UBE2G1: variants seen among roughly 807,000 people sequenced by gnomAD.
UBE2G1 encodes the protein ubiquitin-conjugating enzyme E2 G1.
A neutral mutation model predicts 22.7 loss-of-function variants in UBE2G1; 5 were observed. That is an observed-to-expected ratio of 0.22 (90% CI 0.12 to 0.46). UBE2G1 has a LOEUF of 0.46. Among genes scored for constraint, UBE2G1 ranks in the 20% least tolerant of loss-of-function variants. The pLI, the probability that UBE2G1 is intolerant of heterozygous loss-of-function variation, is 0.99. For synonymous variants in UBE2G1, 74 were observed against 67.5 expected, an observed-to-expected ratio of 1.10 and a Z score of -0.47; for missense variants, 88 against 203.9, an observed-to-expected ratio of 0.43 and a Z score of 3.46.
intron 3 of UBE2G1, among the ~76,000 whole-genome samples, chr17:4,290,262 C>G (rs1334069163): frequency 6.6e-6 from 1 of 152,088 alleles, no homozygotes; most frequent in Admixed American, 6.5e-5. Flanking sequence ...TGAGTAGTGA[C>G]AATGTTTATG....
chr17:4,356,511 AT>A lies in UBE2G1; in HGVS notation c.46+9759del, dbSNP rs547692162. On this transcript the variant is annotated intron_variant, in intron 1 of 5. Transcript: ENST00000396981. ...ATAAGGGCTCAATAAATAAACTTTT[AT>A]GCTGATCCTTTATTCCATTTTCCAA... Among the ~76,000 whole-genome samples, 212 of 152,336 alleles carry A rather than the reference AT, an allele frequency of 1.4e-3. 1 individual carries two copies. The highest frequency in any genetic ancestry group is 4.8e-3 in the African/African-American group (199 of 41,574).
At chr17:4,301,580 C>A in intron 2 of UBE2G1, 1 of 1,333,790 alleles carries the variant, frequency 7.5e-7, no homozygotes, top group Non-Finnish European at 1.1e-6. Context: ...TTTTGTGTTT[C>A]TTTGGTGGCT....
At chr17:4,338,738 CTGGA>C (rs1302581719) in intron 1 of UBE2G1, among the ~76,000 whole-genome samples, 1 of 152,182 alleles carries the variant, frequency 6.6e-6, no homozygotes, top group Non-Finnish European at 1.5e-5. Context: ...ATTTGATGAT[CTGGA>C]GTGAGAGTCA....
intron 2 of UBE2G1, among the ~76,000 whole-genome samples, chr17:4,306,706 C>T (rs1969252596): frequency 6.6e-6 from 1 of 151,854 alleles, no homozygotes; most frequent in Non-Finnish European, 1.5e-5. Flanking sequence ...GGCTGGAGTG[C>T]AATGGCGTGG....
intron 5 of UBE2G1, among the ~76,000 whole-genome samples, chr17:4,280,669 T>C (rs1968877486): frequency 6.8e-6 from 1 of 147,596 alleles, no homozygotes; most frequent in African/African-American, 2.5e-5. Flanking sequence ...CGGAGTTTTG[T>C]TCTTGTTGCA....
intron 4 of UBE2G1, among the ~76,000 whole-genome samples, chr17:4,288,934 G>T (rs994915111): frequency 9.2e-5 from 14 of 152,142 alleles, no homozygotes; most frequent in African/African-American, 3.1e-4. Context: ...GAACAATTTG[G>T]GAAGCCAAGG....
At chr17:4,309,519 C>T (rs746597900) in intron 1 of UBE2G1, among the ~76,000 whole-genome samples, 19 of 152,190 alleles carry the variant, frequency 1.2e-4, no homozygotes, top group Non-Finnish European at 2.5e-4. Flanking sequence ...TGTTTATGCA[C>T]GCATATGTGT....
chr17:4,315,710 A>C (rs1184237195), intron 1 of UBE2G1, among the ~76,000 whole-genome samples: 1 of 149,346 alleles, frequency 6.7e-6, no homozygotes, highest in Non-Finnish European at 1.5e-5. Flanking sequence ...ACTGCACTCC[A>C]GCCTGGGCGA....
At chr17:4,324,436 G>C (rs956559080) in intron 1 of UBE2G1, among the ~76,000 whole-genome samples, 1 of 152,100 alleles carries the variant, frequency 6.6e-6, no homozygotes, top group Non-Finnish European at 1.5e-5. Context: ...TTATTAAAAT[G>C]AATTTTACCT....
chr17:4,296,868 T>G, intron 2 of UBE2G1, 54 bp from the exon 3 acceptor site: 5 of 1,482,206 alleles, frequency 3.4e-6, no homozygotes, highest in Middle Eastern at 2.1e-4. Flanking sequence ...CTTTTAAGTA[T>G]AGAAGTGTTA....
At chr17:4,309,671 T>C (rs1410853635) in intron 1 of UBE2G1, among the ~76,000 whole-genome samples, 1 of 152,198 alleles carries the variant, frequency 6.6e-6, no homozygotes, top group Non-Finnish European at 1.5e-5. Flanking sequence ...TCCAACCTTT[T>C]TCTAGAGAAA....
rs1025177624 is a variant in UBE2G1 at position 4,271,272 on chromosome 17, C to T, written c.*1282G>A. The T allele has an allele frequency of 6.6e-6, 1 of 152,582 alleles. No individual in the cohort carries two copies. Among genetic ancestry groups the T allele is most frequent in the African/African-American group, 2.4e-5 (1 of 41,432 alleles). 9.5% of individuals were successfully genotyped at this position (152,582 alleles called of 1,614,324 possible). On this transcript the variant is annotated 3_prime_UTR_variant, in exon 6 of 6. Coordinates refer to ENST00000396981, the MANE Select transcript of UBE2G1 (RefSeq NM_003342.5). ...AATGCTTTTAGATTCACAGAAGAAT[C>T]TAGATAGAACCAAATACATATACTG... is the stretch of plus-strand genomic sequence containing the variant.
intron 1 of UBE2G1, among the ~76,000 whole-genome samples, chr17:4,354,747 G>A (rs993496317): frequency 2.0e-5 from 3 of 152,120 alleles, no homozygotes; most frequent in African/African-American, 4.8e-5. Context: ...CCTGGGCAAC[G>A]TGGCAAAACC....
intron 1 of UBE2G1, among the ~76,000 whole-genome samples, chr17:4,323,761 G>C (rs1254067187): frequency 6.6e-6 from 1 of 152,090 alleles, no homozygotes; most frequent in African/African-American, 2.4e-5. Flanking sequence ...GGGCATCATG[G>C]TCTCGAAGTG....
intron 2 of UBE2G1, among the ~76,000 whole-genome samples, chr17:4,299,296 G>C (rs1403960146): frequency 6.6e-6 from 1 of 152,146 alleles, no homozygotes; most frequent in Non-Finnish European, 1.5e-5. Flanking sequence ...CTACTTGGGA[G>C]GCTGAGGTAG....
intron 3 of UBE2G1, among the ~76,000 whole-genome samples, chr17:4,294,395 G>A (rs1598183478): frequency 1.4e-5 from 2 of 138,814 alleles, no homozygotes; most frequent in African/African-American, 2.9e-5. Context: ...CAGCCTGGGC[G>A]AGACAGTGAG....
chr17:4,364,634 G>A (rs1468140945), intron 1 of UBE2G1, among the ~76,000 whole-genome samples: 1 of 147,366 alleles, frequency 6.8e-6, no homozygotes, highest in African/African-American at 2.5e-5. Flanking sequence ...AGGCTGGAAA[G>A]CAATGGCGCG....
chr17:4,362,756 G>A, intron 1 of UBE2G1, among the ~76,000 whole-genome samples: 1 of 151,892 alleles, frequency 6.6e-6, no homozygotes. Flanking sequence ...GCTACTGGGG[G>A]CCGCAGGGGG....
At chr17:4,285,404 A>G (rs1968950488) in intron 4 of UBE2G1, among the ~76,000 whole-genome samples, 2 of 152,200 alleles carry the variant, frequency 1.3e-5, no homozygotes, top group Admixed American at 6.5e-5. Flanking sequence ...TATAAATTTG[A>G]TTTTCTCCCT....
Sources: allele counts gnomAD v4.1 joint callset (sites outside exome capture counted in the v4.1 genomes callset), GRCh38; gene constraint gnomAD v4.1.1; transcripts MANE v1.5; gene names NCBI Gene and HGNC (gene_info 2026-07-23, HGNC 2026-07-21).